DGKB: variants seen among roughly 807,000 people sequenced by gnomAD.
The protein encoded by DGKB is diacylglycerol kinase beta, also known as 90 kDa diacylglycerol kinase.
Under a neutral mutation model 114.3 loss-of-function variants are expected in DGKB, and 67 were observed. The observed-to-expected ratio is 0.59, with a 90% CI of 0.48 to 0.72. DGKB has a LOEUF of 0.72. Ranked by LOEUF, DGKB falls within the 30% of genes least tolerant of loss-of-function variation. The pLI is 0.00. For missense variants in DGKB, 907 were observed against 975.2 expected, an observed-to-expected ratio of 0.93 and a Z score of 0.93; for synonymous variants, 398 against 323.1, an observed-to-expected ratio of 1.23 and a Z score of -2.49.
At chr7:14,425,569 A>G (rs1455720636) in intron 21 of DGKB, among the ~76,000 whole-genome samples, 1 of 152,192 alleles carries the variant, frequency 6.6e-6, no homozygotes, top group South Asian at 2.1e-4. Context: ...AACATACAGA[A>G]AGAATCAATA....
intron 1 of DGKB, among the ~76,000 whole-genome samples, chr7:14,937,058 A>G (rs907653867): frequency 6.7e-6 from 1 of 148,554 alleles, no homozygotes; most frequent in Admixed American, 6.8e-5. Flanking sequence ...ACACACACAC[A>G]CACACACACA....
At chr7:14,582,459 T>C (rs2128726312) in intron 18 of DGKB, among the ~76,000 whole-genome samples, 1 of 152,334 alleles carries the variant, frequency 6.6e-6, no homozygotes, top group South Asian at 2.1e-4. Flanking sequence ...TGCATTCTAA[T>C]CTCAGCTCTC....
At chr7:14,454,429 A>G (rs1398789641) in intron 21 of DGKB, among the ~76,000 whole-genome samples, 1 of 152,124 alleles carries the variant, frequency 6.6e-6, no homozygotes, top group Non-Finnish European at 1.5e-5. Context: ...ATGTTTTTAC[A>G]AACATTCATG....
chr7:14,899,857 T>C (rs1347924717), intron 1 of DGKB, among the ~76,000 whole-genome samples: 1 of 152,104 alleles, frequency 6.6e-6, no homozygotes, highest in East Asian at 1.9e-4. Flanking sequence ...TAGAGTACCA[T>C]TTTAATTTTT....
At chr7:14,957,258 T>C (rs1470867864) in intron 1 of DGKB, among the ~76,000 whole-genome samples, 1 of 151,978 alleles carries the variant, frequency 6.6e-6, no homozygotes. Context: ...AAAGACTACA[T>C]TACTTATGGA....
intron 21 of DGKB, among the ~76,000 whole-genome samples, chr7:14,477,777 C>T (rs866077539): frequency 6.6e-6 from 1 of 151,858 alleles, no homozygotes; most frequent in Non-Finnish European, 1.5e-5. Flanking sequence ...ATATATAATC[C>T]CTATGTAATA....
chr7:14,909,424 A>G (rs999911426), intron 1 of DGKB, among the ~76,000 whole-genome samples: 2 of 152,136 alleles, frequency 1.3e-5, no homozygotes, highest in African/African-American at 4.8e-5. Flanking sequence ...AATATTATGC[A>G]CGCACTATAT....
chr7:14,671,940 A>G (rs925896208), intron 13 of DGKB, among the ~76,000 whole-genome samples: 1 of 152,134 alleles, frequency 6.6e-6, no homozygotes, highest in African/African-American at 2.4e-5. Flanking sequence ...CCTTACATGA[A>G]GAAAGGAAAT....
intron 9 of DGKB, among the ~76,000 whole-genome samples, chr7:14,689,160 C>CAA (rs201979677): frequency 1.5e-5 from 2 of 137,014 alleles, no homozygotes; most frequent in Non-Finnish European, 3.1e-5. Context: ...CCAAGGTCTC[C>CAA]AAAAAAAAAA....
intron 23 of DGKB, among the ~76,000 whole-genome samples, chr7:14,202,744 T>C (rs1349390110): frequency 6.6e-6 from 1 of 151,976 alleles, no homozygotes; most frequent in Non-Finnish European, 1.5e-5. Flanking sequence ...GAAACAGAAG[T>C]TGTCAGGTAC....
intron 2 of DGKB, among the ~76,000 whole-genome samples, chr7:14,794,365 A>G (rs1841108087): frequency 6.6e-6 from 1 of 152,202 alleles, no homozygotes; most frequent in South Asian, 2.1e-4. Context: ...TATAGAAAAT[A>G]TCTGCATTGG....
intron 9 of DGKB, 33 bp downstream of exon 9, chr7:14,694,042 C>T (rs761908018): frequency 2.6e-6 from 4 of 1,556,762 alleles, no homozygotes; most frequent in Non-Finnish European, 3.5e-6. Flanking sequence ...ACTGACTCAC[C>T]ACCAGGCCAC....
chr7:14,275,582 G>T (rs1345583991), intron 23 of DGKB, among the ~76,000 whole-genome samples: 2 of 152,112 alleles, frequency 1.3e-5, no homozygotes, highest in South Asian at 4.1e-4. Context: ...TTTTAATAGC[G>T]CCAATTCACA....
At chr7:14,258,135 ATT>A (rs1796218799) in intron 23 of DGKB, among the ~76,000 whole-genome samples, 1 of 152,206 alleles carries the variant, frequency 6.6e-6, no homozygotes, top group Non-Finnish European at 1.5e-5. Context: ...TAACAGAAAA[ATT>A]TCTTCTAACT....
At chr7:14,785,401 C>T (rs1839736839) in intron 2 of DGKB, among the ~76,000 whole-genome samples, 1 of 152,002 alleles carries the variant, frequency 6.6e-6, no homozygotes, top group South Asian at 2.1e-4. Context: ...AATATCTATT[C>T]ACTTATAGAT....
At chr7:14,537,923 A>G (rs181058147) in intron 20 of DGKB, among the ~76,000 whole-genome samples, 1 of 152,060 alleles carries the variant, frequency 6.6e-6, no homozygotes, top group East Asian at 1.9e-4. Flanking sequence ...TCTACTAATA[A>G]TACAAAATTA....
At chr7:14,885,056 T>C (rs1181828383) in intron 1 of DGKB, among the ~76,000 whole-genome samples, 1 of 151,902 alleles carries the variant, frequency 6.6e-6, no homozygotes, top group African/African-American at 2.4e-5. Context: ...GAAAAATGCA[T>C]TAGCCTTGAT....
intron 1 of DGKB, among the ~76,000 whole-genome samples, chr7:14,899,116 A>T (rs530514968): frequency 3.9e-4 from 59 of 152,180 alleles, no homozygotes; most frequent in Non-Finnish European, 7.6e-4. Context: ...AAGTGACAGT[A>T]ATCATGTTAG....
chr7:14,297,321 C>T (rs990549270), intron 23 of DGKB, among the ~76,000 whole-genome samples: 1 of 152,082 alleles, frequency 6.6e-6, no homozygotes, highest in African/African-American at 2.4e-5. Flanking sequence ...TACTGGCAAA[C>T]CAAATCCAGC....
Sources: gnomAD v4.1 joint callset for allele counts (sites outside exome capture counted in the v4.1 genomes callset) on GRCh38, gnomAD v4.1.1 for gene constraint, MANE v1.5 for transcripts, NCBI Gene and HGNC (gene_info 2026-07-23, HGNC 2026-07-21) for gene names.